TTLL11: variants seen among roughly 807,000 people sequenced by gnomAD.
TTLL11 encodes tubulin tyrosine ligase like 11.
Under a neutral mutation model 51.7 loss-of-function variants are expected in TTLL11, and 42 were observed. The observed-to-expected ratio is 0.81, with a 90% CI of 0.64 to 1.05. The LOEUF (loss-of-function observed/expected upper bound fraction) is 1.05, where lower values mean the gene tolerates loss of function less well. TTLL11 is among the 50% of genes least tolerant of loss of function. The pLI is 0.00. For synonymous variants in TTLL11, 381 were observed against 383.5 expected, an observed-to-expected ratio of 0.99 and a Z score of 0.08; for missense variants, 799 against 940.4, an observed-to-expected ratio of 0.85 and a Z score of 1.97.
intron 8 of TTLL11, among the ~76,000 whole-genome samples, chr9:121,824,259 G>A (rs765079459): frequency 4.6e-5 from 7 of 152,144 alleles, no homozygotes; most frequent in South Asian, 2.1e-4. Flanking sequence ...GGCGGATCAC[G>A]AGGTCAGGAG....
intron 6 of TTLL11, among the ~76,000 whole-genome samples, chr9:121,951,520 C>T (rs1251959091): frequency 3.3e-5 from 5 of 152,096 alleles, no homozygotes; most frequent in Non-Finnish European, 1.5e-5. Context: ...TCTCATTTGA[C>T]CTTCTATAAT....
At chr9:122,015,818 AAAAAAG>A (rs1458803916) in intron 3 of TTLL11, among the ~76,000 whole-genome samples, 1 of 151,930 alleles carries the variant, frequency 6.6e-6, no homozygotes, top group African/African-American at 2.4e-5. Flanking sequence ...AAAAAAAAAA[AAAAAAG>A]AAAGAAAGTA....
chr9:121,958,984 G>T (rs1401237273), intron 6 of TTLL11, among the ~76,000 whole-genome samples: 1 of 152,132 alleles, frequency 6.6e-6, no homozygotes, highest in Non-Finnish European at 1.5e-5. Flanking sequence ...TTTACAAGGG[G>T]GGGGGTCCAG....
intron 6 of TTLL11, chr9:121,885,560 A>G (rs1033147122): frequency 1.3e-5 from 2 of 152,246 alleles, no homozygotes; most frequent in African/African-American, 4.8e-5. Flanking sequence ...CCCAGTTTCC[A>G]TAAGAGACCG....
intron 6 of TTLL11, among the ~76,000 whole-genome samples, chr9:121,899,395 A>ATATG (rs1564295494): frequency 3.9e-5 from 5 of 127,626 alleles, no homozygotes; most frequent in African/African-American, 1.4e-4. Flanking sequence ...ATATATATAT[A>ATATG]TATATATACA....
At chr9:121,960,012 A>G (rs1211164542) in intron 6 of TTLL11, among the ~76,000 whole-genome samples, 1 of 152,154 alleles carries the variant, frequency 6.6e-6, no homozygotes, top group Non-Finnish European at 1.5e-5. Flanking sequence ...GGGTTAAGAA[A>G]TAGAACATAG....
At chr9:122,018,606 G>T (rs1421978172) in intron 3 of TTLL11, among the ~76,000 whole-genome samples, 2 of 152,166 alleles carry the variant, frequency 1.3e-5, no homozygotes, top group East Asian at 3.8e-4. Context: ...TGAAGAAATG[G>T]GACTGAGTCG....
At chr9:121,929,955 A>G (rs1053677350) in intron 6 of TTLL11, among the ~76,000 whole-genome samples, 2 of 152,264 alleles carry the variant, frequency 1.3e-5, no homozygotes, top group Admixed American at 6.5e-5. Flanking sequence ...AATATGTGTA[A>G]GCATTTTAAG....
intron 3 of TTLL11, among the ~76,000 whole-genome samples, chr9:122,015,597 C>T (rs897025547): frequency 6.6e-6 from 1 of 152,130 alleles, no homozygotes; most frequent in African/African-American, 2.4e-5. Context: ...TTACTGCAGA[C>T]GTGTGAGGGC....
chr9:121,931,334 G>C (rs933880619), intron 6 of TTLL11, among the ~76,000 whole-genome samples: 5 of 152,244 alleles, frequency 3.3e-5, no homozygotes, highest in Non-Finnish European at 7.3e-5. Flanking sequence ...AAGCTAAGTG[G>C]CTGCAAGGTT....
intron 6 of TTLL11, among the ~76,000 whole-genome samples, chr9:121,922,924 A>C (rs1243296549): frequency 6.6e-6 from 1 of 152,258 alleles, no homozygotes; most frequent in Admixed American, 6.5e-5. Context: ...GGCCACCCTC[A>C]TTAACAACCA....
chr9:121,829,040 C>G (rs753348969), intron 8 of TTLL11, among the ~76,000 whole-genome samples: 14 of 151,844 alleles, frequency 9.2e-5, no homozygotes, highest in Non-Finnish European at 1.6e-4. Flanking sequence ...TCAACCTCTG[C>G]CTCTTGGGTT....
At chr9:121,862,166 C>T (rs1045316784) in intron 7 of TTLL11, among the ~76,000 whole-genome samples, 2 of 151,920 alleles carry the variant, frequency 1.3e-5, no homozygotes, top group African/African-American at 4.8e-5. Context: ...TCCTCCTACC[C>T]CTCCCCAGCT....
rs1390719498 is a variant in TTLL11 at position 121,818,980 on chromosome 9, TGA to T, written c.*3605_*3606del. ...GGAGATGGAGGGTAGGGTGGAGGGG[TGA>T]GAGGCAGGGAGGCAGCGGAAGCCCA... is the stretch of plus-strand genomic sequence containing the variant. On this transcript the variant is annotated 3_prime_UTR_variant, in exon 9 of 9. Coordinates refer to ENST00000321582, the MANE Select transcript of TTLL11 (RefSeq NM_001139442.2). 6.6e-6 allele frequency: 1 copy of T among 152,126 alleles called. No individual in the cohort carries two copies. Among genetic ancestry groups the T allele is most frequent in the Non-Finnish European group, 1.5e-5 (1 of 68,196 alleles). 9.4% of individuals were successfully genotyped at this position (152,126 alleles called of 1,614,324 possible).
At chr9:121,938,263 T>C (rs1268104098) in intron 6 of TTLL11, among the ~76,000 whole-genome samples, 2 of 139,146 alleles carry the variant, frequency 1.4e-5, no homozygotes, top group Admixed American at 7.7e-5. Flanking sequence ...CACTCCAGCC[T>C]GGGGAACAGA....
chr9:121,946,273 C>A (rs948330600), intron 6 of TTLL11, among the ~76,000 whole-genome samples: 10 of 152,294 alleles, frequency 6.6e-5, no homozygotes, highest in African/African-American at 2.4e-4. Context: ...GGGGTCTCAA[C>A]AAGCCGACAG....
chr9:121,989,903 A>G lies in TTLL11; in HGVS notation c.694-133T>C. On this transcript the variant is annotated intron_variant, in intron 3 of 8. Transcript: ENST00000321582. This position sits in a 1 kb window ranked among gnomAD's most constrained non-coding sequence, Gnocchi z 4.2. The stretch of plus-strand genomic sequence containing the variant: ...CTGCCGATCTGAGCAGGGGCTGAGC[A>G]TCTTCCATGGAGATGACACTGCACA... The G allele has an allele frequency of 6.8e-7, 1 of 1,480,882 alleles. No homozygotes were observed. The highest frequency in any genetic ancestry group is 8.9e-7 in the Non-Finnish European group (1 of 1,124,290). The allele number at this position is 1,480,882 out of a possible 1,614,324, so 91.7% of individuals were successfully genotyped here. A position where few individuals can be genotyped will look rare whatever the true frequency, so the allele number is the denominator to read the frequency against.
chr9:121,974,775 G>T, intron 5 of TTLL11, 109 bp downstream of exon 5: 3 of 849,106 alleles, frequency 3.5e-6, no homozygotes, highest in Non-Finnish European at 5.5e-6. Flanking sequence ...ACAGAATTTG[G>T]CTATGAAAAT....
chr9:121,989,183 G>A lies in TTLL11; in HGVS notation c.1269+12C>T, dbSNP rs778546036. 1.2e-6 allele frequency: 2 copies of A among 1,612,468 alleles called. No homozygotes were observed. The highest frequency in any genetic ancestry group is 1.7e-6 in the Non-Finnish European group (2 of 1,178,886). ...AGGCTGGAAACGCAGGCTGGGAACT[G>A]GCAATGGTTACCTGGAAGCACGTGG... On this transcript the variant is annotated intron_variant, in intron 4 of 8. Transcript: ENST00000321582. The surrounding 1 kb of genome is among the most constrained non-coding windows in gnomAD (Gnocchi z 4.2).
Sources: gnomAD v4.1 joint callset for allele counts (sites outside exome capture counted in the v4.1 genomes callset) on GRCh38, gnomAD v4.1.1 for gene constraint, Gnocchi (gnomAD v3.1) non-coding constraint, MANE v1.5 for transcripts, NCBI Gene and HGNC (gene_info 2026-07-23, HGNC 2026-07-21) for gene names.